NRXN3: variants seen among roughly 807,000 people sequenced by gnomAD.
NRXN3 encodes neurexin 3.
Under a neutral mutation model 137.6 loss-of-function variants are expected in NRXN3, and 32 were observed. That is an observed-to-expected ratio of 0.23 (90% CI 0.18 to 0.31). The LOEUF (loss-of-function observed/expected upper bound fraction) is 0.31. Among genes scored for constraint, NRXN3 ranks in the 10% least tolerant of loss-of-function variants. The pLI, the probability that NRXN3 is intolerant of heterozygous loss-of-function variation, is 1.00. For missense variants in NRXN3, 1,574 were observed against 2,062.5 expected (o/e 0.76, Z 4.59); for synonymous variants, 798 against 784.5 (o/e 1.02, Z -0.29).
chr14:78,731,875 T>A (rs1343588097), intron 8 of NRXN3, among the ~76,000 whole-genome samples: 5 of 66,668 alleles, frequency 7.5e-5, no homozygotes, highest in Non-Finnish European at 1.8e-4. Context: ...CATAAAATCT[T>A]GAAAAACGTG....
intron 1 of NRXN3, among the ~76,000 whole-genome samples, chr14:78,208,103 G>C (rs895554602): frequency 6.6e-6 from 1 of 152,148 alleles, no homozygotes; most frequent in African/African-American, 2.4e-5. Context: ...TAAAATGGGC[G>C]ATAATATTAA....
intron 1 of NRXN3, among the ~76,000 whole-genome samples, chr14:78,203,231 G>A (rs1171726871): frequency 6.6e-6 from 1 of 152,202 alleles, no homozygotes; most frequent in East Asian, 1.9e-4. Context: ...GTTTGTGAGA[G>A]GGGGCAACTC....
At chr14:78,969,810 A>G (rs1363063122) in intron 14 of NRXN3, among the ~76,000 whole-genome samples, 2 of 140,986 alleles carry the variant, frequency 1.4e-5, no homozygotes, top group African/African-American at 2.7e-5. Context: ...TGTTTGTACT[A>G]TGTAGTGTGT....
In NRXN3 at chr14:79,364,940, A is replaced by C. The variant is rs142218214; in HGVS notation, c.3263-102281A>C. On this transcript the variant is annotated intron_variant, in intron 15 of 20. Coordinates refer to ENST00000335750, the MANE Select transcript of NRXN3 (RefSeq NM_001330195.2). The stretch of plus-strand genomic sequence containing the variant: ...CCCCAAAACCAGCACTCTTCTATAT[A>C]TTGGTGCTTGGAAGAGATTGTATTT... Among the ~76,000 whole-genome samples the C allele has an allele frequency of 6.4e-3, 981 of 152,202 alleles. 8 individuals carry two copies. The highest frequency in any genetic ancestry group is 0.023 in the African/African-American group (938 of 41,510).
intron 16 of NRXN3, among the ~76,000 whole-genome samples, chr14:79,468,777 A>G (rs1272688332): frequency 6.6e-6 from 1 of 152,326 alleles, no homozygotes; most frequent in South Asian, 2.1e-4. Context: ...AGTATAAGCC[A>G]GATCAGGGCA....
intron 19 of NRXN3, among the ~76,000 whole-genome samples, chr14:79,771,305 G>T (rs562967534): frequency 9.9e-5 from 15 of 152,016 alleles, no homozygotes; most frequent in East Asian, 3.9e-4. Flanking sequence ...TACCAAAGCC[G>T]GGCAGAGACA....
At chr14:78,650,086 T>C (rs908996574) in intron 5 of NRXN3, among the ~76,000 whole-genome samples, 13 of 152,196 alleles carry the variant, frequency 8.5e-5, no homozygotes, top group African/African-American at 3.1e-4. Context: ...TTGGACTTTT[T>C]CTTTTCTTTT....
chr14:78,862,245 A>AAGAT lies in NRXN3; in HGVS notation c.2275+51923_2275+51926dup, dbSNP rs11374020. Reference sequence around the variant, plus strand: ...TATAACAAGATTGTTATAAATAGCAAAGATAGATAGATAGATAGATAGATA... The same window carrying AAGAT: ...TATAACAAGATTGTTATAAATAGCAAAGATAGATAGATAGATAGATAGATAGATA... On this transcript the variant is annotated intron_variant, in intron 10 of 20. Coordinates refer to ENST00000335750, the MANE Select transcript of NRXN3 (RefSeq NM_001330195.2). Among the ~76,000 whole-genome samples the AAGAT allele has an allele frequency of 1.7e-3, 168 of 96,288 alleles. 1 individual carries two copies. The highest frequency in any genetic ancestry group is 3.1e-3 in the African/African-American group (27 of 8,762). The allele number at this position is 96,288 out of a possible 152,430, so 63.2% of individuals were successfully genotyped here. A position where few individuals can be genotyped will look rare whatever the true frequency, so the allele number is the denominator to read the frequency against.
rs186619252 is a variant in NRXN3, at chr14:79,288,658, A to G, written c.3263-178563A>G. 5.3e-5 allele frequency among the ~76,000 whole-genome samples: 8 copies of G among 152,330 alleles called. No individual in the cohort carries two copies. In the East Asian group the frequency reaches 1.5e-3, roughly 29 times the overall value. The stretch of plus-strand genomic sequence containing the variant: ...TCTTGGTCTTTCTGCTGTACCACAC[A>G]GTCTGTCAACTCAGGAAACAGACTA... On this transcript the variant is annotated intron_variant, in intron 15 of 20. Coordinates refer to ENST00000335750, the MANE Select transcript of NRXN3 (RefSeq NM_001330195.2).
rs1204701036 is a variant in NRXN3, at chr14:79,648,221, A to C, written c.3445-15557A>C. ...ACAAACAAACAAACAAAAAACAGAA[A>C]ACTTGATGATAAATGTCAATCAACA... On this transcript the variant is annotated intron_variant, in intron 16 of 20. Coordinates refer to ENST00000335750, the MANE Select transcript of NRXN3 (RefSeq NM_001330195.2). Among the ~76,000 whole-genome samples the C allele has an allele frequency of 2.2e-5, 3 of 134,450 alleles. 1 individual carries two copies. The highest frequency in any genetic ancestry group is 7.4e-5 in the African/African-American group (3 of 40,584). The allele number at this position is 134,450 out of a possible 152,430, so 88.2% of individuals were successfully genotyped here.
chr14:78,559,917 T>G (rs2096771717), intron 4 of NRXN3, among the ~76,000 whole-genome samples: 1 of 152,232 alleles, frequency 6.6e-6, no homozygotes, highest in African/African-American at 2.4e-5. Context: ...CAGTGATTAT[T>G]TGTGTACTTG....
intron 15 of NRXN3, among the ~76,000 whole-genome samples, chr14:79,264,923 A>T (rs944660337): frequency 3.3e-5 from 5 of 152,106 alleles, no homozygotes; most frequent in African/African-American, 9.7e-5. Context: ...ACTGTTACAG[A>T]GGTTTATTTA....
At chr14:79,130,069 T>C (rs998966965) in intron 15 of NRXN3, among the ~76,000 whole-genome samples, 2 of 152,040 alleles carry the variant, frequency 1.3e-5, no homozygotes, top group African/African-American at 4.8e-5. Context: ...AGCCTATGTG[T>C]GTCTCTGCAC....
At chr14:79,810,648 T>A (rs544177745) in intron 20 of NRXN3, among the ~76,000 whole-genome samples, 1 of 152,314 alleles carries the variant, frequency 6.6e-6, no homozygotes, top group East Asian at 1.9e-4. Flanking sequence ...AAATTTAAAT[T>A]TGGCATAACA....
At chr14:78,294,094 T>C (rs1012265397) in intron 3 of NRXN3, among the ~76,000 whole-genome samples, 1 of 152,236 alleles carries the variant, frequency 6.6e-6, no homozygotes, top group African/African-American at 2.4e-5. Context: ...CTACTGGTCT[T>C]ATTGTCTGAA....
At chr14:79,156,596 C>T (rs965623682) in intron 15 of NRXN3, among the ~76,000 whole-genome samples, 19 of 151,700 alleles carry the variant, frequency 1.3e-4, no homozygotes, top group African/African-American at 4.6e-4. Context: ...TTTCTTCCTC[C>T]TAGTGTATTG....
intron 4 of NRXN3, among the ~76,000 whole-genome samples, chr14:78,613,034 C>A (rs1311885505): frequency 6.6e-6 from 1 of 152,170 alleles, no homozygotes; most frequent in Non-Finnish European, 1.5e-5. Flanking sequence ...GAGATGATTC[C>A]ATTTCTGTGG....
intron 16 of NRXN3, among the ~76,000 whole-genome samples, chr14:79,573,495 T>C (rs1384289131): frequency 6.6e-6 from 1 of 152,040 alleles, no homozygotes; most frequent in Non-Finnish European, 1.5e-5. Flanking sequence ...GAACTGTCAA[T>C]TTGTGGAAGT....
intron 4 of NRXN3, among the ~76,000 whole-genome samples, chr14:78,321,138 GA>G (rs1165514647): frequency 6.6e-6 from 1 of 151,238 alleles, no homozygotes; most frequent in African/African-American, 2.4e-5. Context: ...AAAAGAAAAA[GA>G]AAAAAGATCA....
Sources: gnomAD v4.1 joint callset for allele counts (sites outside exome capture counted in the v4.1 genomes callset) on GRCh38, gnomAD v4.1.1 for gene constraint, MANE v1.5 for transcripts, NCBI Gene and HGNC (gene_info 2026-07-23, HGNC 2026-07-21) for gene names.